The following SDK1 variants were observed in gnomAD, a reference collection of about 807,000 sequenced individuals.
The protein encoded by SDK1 is protein sidekick-1.
A neutral mutation model predicts 245.5 loss-of-function variants in SDK1; 157 were observed. The observed-to-expected ratio is 0.64, with a 90% CI of 0.56 to 0.73. SDK1 has a LOEUF of 0.73. Ranked by LOEUF, SDK1 falls within the 30% of genes least tolerant of loss-of-function variation. The pLI, the probability that SDK1 is intolerant of heterozygous loss-of-function variation, is 0.00. For missense variants in SDK1, 3,583 were observed against 3,002.3 expected (o/e 1.19, Z -4.52); for synonymous variants, 1,647 against 1,278.5 (o/e 1.29, Z -6.15).
intron 1 of SDK1, among the ~76,000 whole-genome samples, chr7:3,441,868 G>T (rs1430940032): frequency 6.6e-6 from 1 of 152,110 alleles, no homozygotes; most frequent in East Asian, 1.9e-4. Context: ...GATACTTAGG[G>T]TACCTTGAAA....
At chr7:3,737,769 G>A (rs1779358801) in intron 4 of SDK1, among the ~76,000 whole-genome samples, 1 of 152,182 alleles carries the variant, frequency 6.6e-6, no homozygotes, top group African/African-American at 2.4e-5. Context: ...GAAGTACCCT[G>A]CAATGCTAGG....
chr7:4,244,581 A>C (rs1786723606), intron 43 of SDK1, among the ~76,000 whole-genome samples: 1 of 152,236 alleles, frequency 6.6e-6, no homozygotes, highest in South Asian at 2.1e-4. Context: ...CTATCGCTGC[A>C]TGGCAAATGA....
chr7:3,969,823 A>G (rs1435535311), intron 11 of SDK1, among the ~76,000 whole-genome samples: 1 of 152,242 alleles, frequency 6.6e-6, no homozygotes, highest in Non-Finnish European at 1.5e-5. Flanking sequence ...AAACACTTCT[A>G]ATACACTAAC....
At chr7:3,779,819 C>T (rs1446300311) in intron 4 of SDK1, among the ~76,000 whole-genome samples, 3 of 151,728 alleles carry the variant, frequency 2.0e-5, no homozygotes. Context: ...GTAGTCCCAG[C>T]TACTCGGGAG....
At chr7:3,809,916 G>A (rs537027136) in intron 4 of SDK1, among the ~76,000 whole-genome samples, 16 of 152,296 alleles carry the variant, frequency 1.1e-4, no homozygotes, top group Admixed American at 5.2e-4. Flanking sequence ...CTCAGCTCAC[G>A]AAGTAAGAAT....
rs780365682 is a variant in SDK1, at chr7:4,158,532, G to A, written c.4710G>A (p.Ala1570=). ...GDSDFSSETE[A]VTTLQDVPGE... is the part of the protein sequence containing the mutation. ...GTGACTTCAGTTCAGAGACAGAGGC[G>A]GTGACCACGCTGCAGGATGGTGAGC... Residue 1570 remains alanine, a synonymous_variant, in exon 31 of 45, where the codon GCG becomes GCA. Coordinates refer to ENST00000404826, the MANE Select transcript of SDK1 (RefSeq NM_152744.4). 36 of 1,613,256 alleles carry A rather than the reference G, an allele frequency of 2.2e-5. No individual in the cohort carries two copies. The highest frequency in any genetic ancestry group is 8.3e-5 in the Admixed American group (5 of 60,000).
chr7:4,232,407 C>CTTTTTTTTTTTTTTTTTTTTTTTTTT (rs201396862), intron 40 of SDK1, among the ~76,000 whole-genome samples: 16 of 73,168 alleles, frequency 2.2e-4, no homozygotes, highest in East Asian at 3.5e-4. Context: ...CTTTTCTTTT[C>CTTTTTTTTTTTTTTTTTTTTTTTTTT]TTTCTTTTTT....
chr7:3,944,625 T>A (rs1213238595), intron 5 of SDK1, among the ~76,000 whole-genome samples: 1 of 152,214 alleles, frequency 6.6e-6, no homozygotes, highest in East Asian at 1.9e-4. Context: ...CTTCTAAAAA[T>A]TGAACTTGGA....
chr7:4,084,255 T>G (rs1333551014), intron 22 of SDK1, among the ~76,000 whole-genome samples: 1 of 152,210 alleles, frequency 6.6e-6, no homozygotes, highest in African/African-American at 2.4e-5. Flanking sequence ...TAAATAGATT[T>G]TTCTTTCTTT....
intron 14 of SDK1, among the ~76,000 whole-genome samples, chr7:4,005,435 T>TGTGTTA: frequency 6.7e-6 from 1 of 149,374 alleles, no homozygotes; most frequent in Non-Finnish European, 1.5e-5. Flanking sequence ...TGTGTGTGTG[T>TGTGTTA]GTTAATACTT....
intron 5 of SDK1, among the ~76,000 whole-genome samples, chr7:3,832,282 C>T (rs1342019585): frequency 6.6e-6 from 1 of 152,164 alleles, no homozygotes; most frequent in Non-Finnish European, 1.5e-5. Context: ...ATTTATATCG[C>T]AGAACTGTTT....
At chr7:3,785,886 C>G (rs534293408) in intron 4 of SDK1, among the ~76,000 whole-genome samples, 39 of 152,224 alleles carry the variant, frequency 2.6e-4, no homozygotes, top group Middle Eastern at 3.4e-3. Context: ...TCTTTTTTCC[C>G]CTATGCAAAA....
chr7:3,908,859 C>G (rs1779054942), intron 5 of SDK1, among the ~76,000 whole-genome samples: 1 of 148,108 alleles, frequency 6.8e-6, no homozygotes, highest in South Asian at 2.2e-4. Flanking sequence ...CCTTAGAATA[C>G]AGAGACAGTG....
chr7:4,150,658 G>A (rs1780302584), intron 30 of SDK1, among the ~76,000 whole-genome samples: 1 of 152,230 alleles, frequency 6.6e-6, no homozygotes, highest in Admixed American at 6.5e-5. Context: ...AGGGAGGCAG[G>A]TCCCAGGTGA....
intron 1 of SDK1, among the ~76,000 whole-genome samples, chr7:3,331,734 GAC>G (rs1357995417): frequency 2.6e-5 from 4 of 152,090 alleles, no homozygotes; most frequent in Non-Finnish European, 2.9e-5. Context: ...CATAAGATTG[GAC>G]ACAGTCAACA....
intron 4 of SDK1, among the ~76,000 whole-genome samples, chr7:3,651,777 C>G (rs370134316): frequency 5.3e-5 from 8 of 152,114 alleles, no homozygotes; most frequent in African/African-American, 1.9e-4. Flanking sequence ...GACAACCATA[C>G]ATGTAATTCA....
chr7:4,092,296 C>T (rs891292117), intron 22 of SDK1, among the ~76,000 whole-genome samples: 32 of 152,190 alleles, frequency 2.1e-4, no homozygotes, highest in African/African-American at 7.5e-4. Flanking sequence ...CCCAGCCTCC[C>T]TCTGTGCTCG....
At chr7:3,399,369 A>G (rs1309824269) in intron 1 of SDK1, among the ~76,000 whole-genome samples, 1 of 152,134 alleles carries the variant, frequency 6.6e-6, no homozygotes, top group African/African-American at 2.4e-5. Context: ...ATTAAAGGAA[A>G]GTATGAGCAT....
chr7:3,706,858 A>G (rs1020458996), intron 4 of SDK1, among the ~76,000 whole-genome samples: 21 of 152,188 alleles, frequency 1.4e-4, no homozygotes, highest in African/African-American at 4.1e-4. Flanking sequence ...AAAGGTGTTC[A>G]TAGTAGTATC....
Sources: gnomAD v4.1 joint callset for allele counts (sites outside exome capture counted in the v4.1 genomes callset) on GRCh38, gnomAD v4.1.1 for gene constraint, MANE v1.5 for transcripts, NCBI Gene and HGNC (gene_info 2026-07-23, HGNC 2026-07-21) for gene names.